METAP1D: variants seen among roughly 807,000 people sequenced by gnomAD.
The protein encoded by METAP1D is methionyl aminopeptidase type 1D, mitochondrial, also known as methionine aminopeptidase 1D, mitochondrial.
METAP1D carries 31 observed loss-of-function variants against 40.5 expected under a neutral mutation model. That is an observed-to-expected ratio of 0.77 (90% CI 0.58 to 1.03). METAP1D has a LOEUF of 1.03. Ranked by LOEUF, METAP1D falls within the 50% of genes least tolerant of loss-of-function variation. METAP1D has a pLI of 0.00. For missense variants in METAP1D, 411 were observed against 420.7 expected, an observed-to-expected ratio of 0.98 and a Z score of 0.20; for synonymous variants, 151 against 146.4, an observed-to-expected ratio of 1.03 and a Z score of -0.22.
intron 1 of METAP1D, among the ~76,000 whole-genome samples, chr2:172,059,297 C>T (rs1396011921): frequency 6.6e-6 from 1 of 151,874 alleles, no homozygotes; most frequent in East Asian, 1.9e-4. Flanking sequence ...TTAGTAGAGA[C>T]AAGGTGTGGG....
rs782267064 is a variant in METAP1D, at chr2:172,040,746, C to CTTTTTTT, written c.41-20740_41-20734dup. Among the ~76,000 whole-genome samples the CTTTTTTT allele has an allele frequency of 3.2e-4, 37 of 117,224 alleles. 2 individuals carry two copies. Among genetic ancestry groups the CTTTTTTT allele is most frequent in the East Asian group, 1.1e-3 (4 of 3,800 alleles). 76.9% of individuals were successfully genotyped at this position (117,224 alleles called of 152,430 possible). On this transcript the variant is annotated intron_variant, in intron 1 of 9. Coordinates refer to ENST00000315796, the MANE Select transcript of METAP1D (RefSeq NM_199227.3). ...ATTTGCTTTGATACATTCAGGCCCT[C>CTTTTTTT]TTTTTTTTTTTTTTTTTTGAGATGG... is the stretch of plus-strand genomic sequence containing the variant.
At chr2:172,026,142 G>A (rs1045272141) in intron 1 of METAP1D, among the ~76,000 whole-genome samples, 5 of 152,026 alleles carry the variant, frequency 3.3e-5, no homozygotes, top group Admixed American at 6.6e-5. Flanking sequence ...GTCTCTAATC[G>A]TTTATTCTAT....
intron 1 of METAP1D, among the ~76,000 whole-genome samples, chr2:172,045,956 G>A (rs1171778829): frequency 7.0e-6 from 1 of 141,892 alleles, no homozygotes; most frequent in East Asian, 2.0e-4. Context: ...CCTACTCTTG[G>A]GGCTCAGCCT....
chr2:172,043,092 CATACAT>C (rs1438293424), intron 1 of METAP1D, among the ~76,000 whole-genome samples: 6 of 21,696 alleles, frequency 2.8e-4, no homozygotes, highest in Admixed American at 7.4e-4. Context: ...CATATATTTA[CATACAT>C]ATATATATAT....
At chr2:172,053,038 C>T (rs527370376) in intron 1 of METAP1D, among the ~76,000 whole-genome samples, 2 of 152,180 alleles carry the variant, frequency 1.3e-5, no homozygotes, top group African/African-American at 2.4e-5. Context: ...TATTTTGAAA[C>T]GTACACCTTA....
intron 1 of METAP1D, among the ~76,000 whole-genome samples, chr2:172,017,345 G>A (rs1469645638): frequency 1.3e-5 from 2 of 148,572 alleles, no homozygotes; most frequent in Non-Finnish European, 3.0e-5. Context: ...ATATATATGT[G>A]TATATATAGG....
At position 172,036,087 on chromosome 2, in the gene METAP1D, G is replaced by A. The variant is rs559989687; in HGVS notation, c.41-25411G>A. Among the ~76,000 whole-genome samples, 20 of 152,132 alleles carry A rather than the reference G, an allele frequency of 1.3e-4. No individual in the cohort carries two copies. In the South Asian group the frequency reaches 1.5e-3, roughly 11 times the overall value. ...AATGCCAGCACTTTGGGAGGCCAAG[G>A]TGGGCGGATCACTAGGTCAGGAGAT... On this transcript the variant is annotated intron_variant, in intron 1 of 9. Coordinates refer to ENST00000315796, the MANE Select transcript of METAP1D (RefSeq NM_199227.3).
intron 1 of METAP1D, among the ~76,000 whole-genome samples, chr2:172,001,349 G>C (rs1467640294): frequency 6.6e-6 from 1 of 151,798 alleles, no homozygotes; most frequent in East Asian, 2.0e-4. Flanking sequence ...AGACCAGCCT[G>C]GCCAACATGG....
intron 2 of METAP1D, among the ~76,000 whole-genome samples, 189 bp from the exon 3 acceptor site, chr2:172,063,522 G>T (rs984991073): frequency 6.6e-6 from 1 of 152,180 alleles, no homozygotes; most frequent in Admixed American, 6.5e-5. Context: ...GCACTAACAG[G>T]CAATGTTAAG....
chr2:172,046,281 T>G (rs1689763470), intron 1 of METAP1D, among the ~76,000 whole-genome samples: 1 of 152,034 alleles, frequency 6.6e-6, no homozygotes, highest in Admixed American at 6.6e-5. Flanking sequence ...TTTTTTTCAT[T>G]TTAGCTGTCT....
At chr2:172,019,834 T>C (rs1688964846) in intron 1 of METAP1D, among the ~76,000 whole-genome samples, 1 of 152,128 alleles carries the variant, frequency 6.6e-6, no homozygotes, top group Non-Finnish European at 1.5e-5. Flanking sequence ...ATACCTCTAG[T>C]GCTATATTGT....
chr2:172,056,108 C>T (rs1689996641), intron 1 of METAP1D, among the ~76,000 whole-genome samples: 1 of 152,060 alleles, frequency 6.6e-6, no homozygotes, highest in South Asian at 2.1e-4. Context: ...TGTAATCAAC[C>T]ACATTGAAAA....
chr2:172,010,548 CAG>C (rs1688693229), intron 1 of METAP1D, among the ~76,000 whole-genome samples: 1 of 127,568 alleles, frequency 7.8e-6, no homozygotes, highest in Non-Finnish European at 1.6e-5. Context: ...AGCTAGAGGA[CAG>C]TGGTGCAATC....
chr2:172,036,170 A>G (rs1689376316), intron 1 of METAP1D, among the ~76,000 whole-genome samples: 1 of 151,264 alleles, frequency 6.6e-6, no homozygotes. Flanking sequence ...ACAAAAAGTT[A>G]GCTGGGCGTG....
chr2:172,035,312 C>A (rs984365797), intron 1 of METAP1D, among the ~76,000 whole-genome samples: 1 of 151,912 alleles, frequency 6.6e-6, no homozygotes, highest in Non-Finnish European at 1.5e-5. Flanking sequence ...CTGCAGGCGC[C>A]GGCCACCACG....
intron 1 of METAP1D, among the ~76,000 whole-genome samples, chr2:172,030,731 G>GTCTTTCATTTA (rs1347042813): frequency 6.6e-6 from 1 of 152,192 alleles, no homozygotes; most frequent in East Asian, 1.9e-4. Flanking sequence ...TCTTAAGAAA[G>GTCTTTCATTTA]TCTTTCATTT....
At chr2:172,060,964 AT>A (rs1690126577) in intron 1 of METAP1D, among the ~76,000 whole-genome samples, 2 of 152,188 alleles carry the variant, frequency 1.3e-5, no homozygotes, top group African/African-American at 4.8e-5. Flanking sequence ...TTATACTTAC[AT>A]TTTTGCTATT....
chr2:172,008,545 C>T (rs1399543847), intron 1 of METAP1D, among the ~76,000 whole-genome samples: 1 of 152,144 alleles, frequency 6.6e-6, no homozygotes, highest in African/African-American at 2.4e-5. Context: ...GAACCCTGCA[C>T]GGTGCTGTAC....
intron 1 of METAP1D, among the ~76,000 whole-genome samples, chr2:172,017,363 GTATA>G (rs532942162): frequency 6.8e-6 from 1 of 146,588 alleles, no homozygotes; most frequent in Non-Finnish European, 1.5e-5. Context: ...AGGTATATAT[GTATA>G]TATATGTGTA....
Sources: gnomAD v4.1 joint callset for allele counts (sites outside exome capture counted in the v4.1 genomes callset) on GRCh38, gnomAD v4.1.1 for gene constraint, MANE v1.5 for transcripts, NCBI Gene and HGNC (gene_info 2026-07-23, HGNC 2026-07-21) for gene names.